PI4KB: variants seen among roughly 807,000 people sequenced by gnomAD.
PI4KB encodes the protein PtdIns 4-kinase beta.
Under a neutral mutation model 81.4 loss-of-function variants are expected in PI4KB, and 23 were observed. The ratio of observed to expected loss-of-function variants is 0.28; its 90% CI spans 0.20 to 0.40. The LOEUF is 0.40. Ranked by LOEUF, PI4KB falls within the 10% of genes least tolerant of loss-of-function variation. The pLI is 1.00. For missense variants in PI4KB, 651 were observed against 1,036.6 expected (o/e 0.63, Z 5.11); for synonymous variants, 381 against 406.8 (o/e 0.94, Z 0.76).
intron 2 of PI4KB, among the ~76,000 whole-genome samples, chr1:151,312,291 A>G (rs1647250241): frequency 1.3e-5 from 2 of 152,164 alleles, no homozygotes; most frequent in Non-Finnish European, 2.9e-5. Context: ...GAGCCCCTCT[A>G]CTGGTGGTAG....
In PI4KB at chr1:151,294,451, G is replaced by T. The variant is rs1694621265; in HGVS notation, c.2106C>A (p.Gly702=). 1.2e-6 allele frequency: 2 copies of T among 1,613,916 alleles called. No individual in the cohort carries two copies. Among genetic ancestry groups the T allele is most frequent in the Non-Finnish European group, 1.7e-6 (2 of 1,179,992 alleles). ...FILSSSPRNL[G]FETSAFKLTT... ...TCAGCTTAAAGGCTGACGTCTCAAA[G>T]CCCAGATTTCGGGGTGAGCTGGAGA... Residue 702 remains glycine (G), a synonymous_variant, in exon 10 of 12, where the codon GGC becomes GGA. Coordinates refer to ENST00000368873, the MANE Select transcript of PI4KB (RefSeq NM_001369623.2).
At chr1:151,297,838 C>G (rs1212960792) in intron 9 of PI4KB, among the ~76,000 whole-genome samples, 1 of 152,184 alleles carries the variant, frequency 6.6e-6, no homozygotes, top group African/African-American at 2.4e-5. Context: ...CACACCCAGC[C>G]ATTATTAGCT....
In PI4KB at chr1:151,293,171, T is replaced by A; in HGVS notation, c.2270-138A>T. On this transcript the variant is annotated intron_variant, in intron 11 of 11. Coordinates refer to ENST00000368873, the MANE Select transcript of PI4KB (RefSeq NM_001369623.2). ...GTCCTTGATGATGTGGGTGCAGTTC[T>A]GCTTGGGCAGAGAGAAGGAACCGGC... is the stretch of plus-strand genomic sequence containing the variant. 4 of 1,485,222 alleles carry A rather than the reference T, an allele frequency of 2.7e-6. No homozygotes were observed. In the South Asian group the frequency reaches 5.6e-5, roughly 21 times the overall value. The allele number at this position is 1,485,222 out of a possible 1,614,324, so 92.0% of individuals were successfully genotyped here.
In PI4KB at chr1:151,292,989, G is replaced by A; in HGVS notation, c.2314C>T (p.Leu772Phe). The change falls in exon 12 of 12, where the codon CTC becomes TTC. Residue 772 changes from leucine (L) to phenylalanine (F), a missense_variant. Transcript: ENST00000368873. ...ATGCTCATGTGGAACCTCTCTTTGA[G>A]GTTTCGAATGGTGCTGGAGCCATGG... ...CFHGSSTIRN[L>F]KERFHMSMTE... is the part of the protein sequence containing the mutation. 2.5e-6 allele frequency: 4 copies of A among 1,614,180 alleles called. No individual in the cohort carries two copies. Among genetic ancestry groups the A allele is most frequent in the East Asian group, 2.2e-5 (1 of 44,874 alleles).
chr1:151,326,111 C>G, intron 1 of PI4KB: 1 of 1,481,648 alleles, frequency 6.7e-7, no homozygotes, highest in Non-Finnish European at 9.4e-7. Flanking sequence ...AGAAGGCACT[C>G]TATTCTGTGA....
intron 4 of PI4KB, among the ~76,000 whole-genome samples, chr1:151,306,740 G>A (rs1441645563): frequency 1.3e-5 from 2 of 152,196 alleles, no homozygotes; most frequent in Non-Finnish European, 2.9e-5. Context: ...ACAAAGCTGG[G>A]CACTGTCCCA....
intron 5 of PI4KB, among the ~76,000 whole-genome samples, chr1:151,304,347 T>TG (rs1442962686): frequency 1.3e-5 from 2 of 150,964 alleles, no homozygotes; most frequent in Non-Finnish European, 3.0e-5. Context: ...CTGTGTGTTT[T>TG]TTTTTTTTTT....
At chr1:151,293,783 A>T in intron 11 of PI4KB, 1 of 488,868 alleles carries the variant, frequency 2.0e-6, no homozygotes, top group Non-Finnish European at 3.6e-6. Flanking sequence ...TTCTCCCTAA[A>T]GATGCCAAGG....
At chr1:151,293,387 G>A (rs752776402) in intron 11 of PI4KB, 27 of 1,306,900 alleles carry the variant, frequency 2.1e-5, no homozygotes, top group Admixed American at 2.4e-5. Flanking sequence ...CCTATGCTAC[G>A]TCTGACACTC....
At position 151,302,995 on chromosome 1, in the gene PI4KB, G is replaced by GTT. The variant is rs775167343; in HGVS notation, c.1520+544_1520+545dup. 6.7e-3 allele frequency among the ~76,000 whole-genome samples: 717 copies of GTT among 107,074 alleles called. 11 individuals carry two copies. Among genetic ancestry groups the GTT allele is most frequent in the African/African-American group, 0.012 (342 of 27,414 alleles). The allele number at this position is 107,074 out of a possible 152,430, so 70.2% of individuals were successfully genotyped here. A position where few individuals can be genotyped will look rare whatever the true frequency, so the allele number is the denominator to read the frequency against. On this transcript the variant is annotated intron_variant, in intron 6 of 11. Transcript: ENST00000368873. ...AAACTCCTTCCTCTGGTGCTTTCTT[G>GTT]TTTTTTTTTTTTTTTTTTTTTGAGA... is the stretch of plus-strand genomic sequence containing the variant.
Position 151,327,369 on chromosome 1 carries a change from C to G in PI4KB, c.-127G>C, listed in dbSNP as rs1045900061. ...GACCGCTCCCGGGTTCCATTGGCCGCCTGCGCTTCCCTGACAGCGGCCGCG... is the reference window on the plus strand; with the variant it reads ...GACCGCTCCCGGGTTCCATTGGCCGGCTGCGCTTCCCTGACAGCGGCCGCG... On this transcript the variant is annotated 5_prime_UTR_variant, in exon 1 of 12. Coordinates refer to ENST00000368873, the MANE Select transcript of PI4KB (RefSeq NM_001369623.2). 5 of 396,292 alleles carry G rather than the reference C, an allele frequency of 1.3e-5. No homozygotes were observed. The highest frequency in any genetic ancestry group is 8.2e-5 in the African/African-American group (4 of 48,604). 24.5% of individuals were successfully genotyped at this position (396,292 alleles called of 1,614,324 possible). A position where few individuals can be genotyped will look rare whatever the true frequency, so the allele number is the denominator to read the frequency against.
At chr1:151,324,988 CTT>C (rs572033691) in intron 1 of PI4KB, 5,641 of 366,048 alleles carry the variant, frequency 0.015, no homozygotes, top group Middle Eastern at 0.02. Context: ...AGGAAAGCTG[CTT>C]TTTTTTTTTT....
In PI4KB at chr1:151,292,145, C is replaced by CT. The variant is rs908564638; in HGVS notation, c.*706dup. The CT allele has an allele frequency of 5.9e-5, 9 of 152,328 alleles. No homozygotes were observed. The highest frequency in any genetic ancestry group is 8.8e-5 in the Non-Finnish European group (6 of 68,146). The allele number at this position is 152,328 out of a possible 1,614,324, so 9.4% of individuals were successfully genotyped here. On this transcript the variant is annotated 3_prime_UTR_variant, in exon 12 of 12. Coordinates refer to ENST00000368873, the MANE Select transcript of PI4KB (RefSeq NM_001369623.2). ...AATGACACAAGTGGCTAACTAAGGA[C>CT]TTTATTTCAAACAAAAATTAAAAAT...
intron 6 of PI4KB, 49 bp downstream of exon 6, chr1:151,303,492 G>T: frequency 9.1e-7 from 1 of 1,094,010 alleles, no homozygotes; most frequent in Non-Finnish European, 1.4e-6. Flanking sequence ...GAGATGGGAA[G>T]TTCCTGAAAG....
At chr1:151,309,656 T>C (rs1183236546) in intron 3 of PI4KB, among the ~76,000 whole-genome samples, 1 of 151,944 alleles carries the variant, frequency 6.6e-6, no homozygotes, top group African/African-American at 2.4e-5. Flanking sequence ...AGGGAAGAAC[T>C]CAGACCTGGA....
intron 4 of PI4KB, among the ~76,000 whole-genome samples, chr1:151,306,989 C>T (rs955355348): frequency 5.3e-5 from 8 of 152,096 alleles, no homozygotes; most frequent in South Asian, 2.1e-4. Flanking sequence ...GCAGGAGAAT[C>T]GCTTGAACCT....
At chr1:151,303,246 G>A (rs1272648365) in intron 6 of PI4KB, 5 of 267,536 alleles carry the variant, frequency 1.9e-5, no homozygotes, top group Admixed American at 8.3e-5. Flanking sequence ...TGATCTGCCC[G>A]CCTCGGCCTC....
intron 5 of PI4KB, among the ~76,000 whole-genome samples, chr1:151,305,110 G>T (rs1043145274): frequency 1.3e-5 from 2 of 152,082 alleles, no homozygotes; most frequent in South Asian, 4.1e-4. Context: ...GATTACAGGC[G>T]TGCGCCACCG....
chr1:151,304,393 G>A (rs1695568397), intron 5 of PI4KB, among the ~76,000 whole-genome samples: 1 of 150,478 alleles, frequency 6.6e-6, no homozygotes, highest in Admixed American at 6.6e-5. Context: ...GCCCACGCTG[G>A]AGTGCAATGG....
Sources: allele counts gnomAD v4.1 joint callset (sites outside exome capture counted in the v4.1 genomes callset), GRCh38; gene constraint gnomAD v4.1.1; transcripts MANE v1.5; gene names NCBI Gene and HGNC (gene_info 2026-07-23, HGNC 2026-07-21).